The following AARS1 variants were observed in gnomAD, a reference collection of about 807,000 sequenced individuals.
AARS1 encodes the protein alanyl-tRNA synthetase 1, also known as alanine--tRNA ligase, cytoplasmic.
In AARS1, 72 loss-of-function variants were observed where a neutral mutation model predicts 108.9. The ratio of observed to expected loss-of-function variants is 0.66; its 90% CI spans 0.55 to 0.80. The LOEUF is 0.80. Among genes scored for constraint, AARS1 ranks in the 30% least tolerant of loss-of-function variants. The pLI, the probability that AARS1 is intolerant of heterozygous loss-of-function variation, is 0.00. For synonymous variants in AARS1, 489 were observed against 465.7 expected (o/e 1.05, Z -0.64); for missense variants, 1,193 against 1,233.2 (o/e 0.97, Z 0.49).
intron 4 of AARS1, 176 bp downstream of exon 4, chr16:70,276,310 C>T: frequency 1.5e-6 from 1 of 674,104 alleles, no homozygotes; most frequent in Non-Finnish European, 2.6e-6. Context: ...TCTCAGGTCA[C>T]TGCAACCTCC....
chr16:70,285,869 T>A (rs1296240117), intron 1 of AARS1, among the ~76,000 whole-genome samples: 1 of 152,212 alleles, frequency 6.6e-6, no homozygotes, highest in Non-Finnish European at 1.5e-5. Flanking sequence ...CAAAGTTTTC[T>A]CCTTATGAGG....
chr16:70,270,101 C>G, intron 6 of AARS1, 95 bp downstream of exon 6: 1 of 1,496,940 alleles, frequency 6.7e-7, no homozygotes, highest in Non-Finnish European at 9.3e-7. Context: ...CCTTGGCTGG[C>G]AAAGCATATG....
chr16:70,253,019 G>T, intron 20 of AARS1, 113 bp from the exon 21 acceptor site: 1 of 1,227,008 alleles, frequency 8.1e-7, no homozygotes, highest in Non-Finnish European at 1.2e-6. Context: ...GGGTGATACT[G>T]CTGGAGGCCG....
chr16:70,289,151 CT>C (rs1960960513), intron 1 of AARS1, among the ~76,000 whole-genome samples: 1 of 152,166 alleles, frequency 6.6e-6, no homozygotes, highest in South Asian at 2.1e-4. Flanking sequence ...CCACCCGCCC[CT>C]AGGGGATTAA....
chr16:70,262,967 C>CAAAAAA (rs57444625), intron 11 of AARS1, among the ~76,000 whole-genome samples: 1,841 of 20,606 alleles, frequency 0.089, 478 homozygotes, highest in Middle Eastern at 0.17. Context: ...GACTCGGTCT[C>CAAAAAA]AAAAAAAAAA....
intron 14 of AARS1, 62 bp from the exon 15 acceptor site, chr16:70,258,279 G>A (rs558355775): frequency 1.3e-6 from 2 of 1,532,544 alleles, no homozygotes; most frequent in Admixed American, 2.0e-5. Flanking sequence ...GTACGACGAG[G>A]CAGGAAAGCA....
In AARS1 at chr16:70,264,992, C is replaced by G. The variant is rs775974731; in HGVS notation, c.1458G>C (p.Lys486Asn). The G allele has an allele frequency of 1.9e-6, 3 of 1,614,024 alleles. No individual in the cohort carries two copies. Among genetic ancestry groups the G allele is most frequent in the Non-Finnish European group, 2.5e-6 (3 of 1,180,036 alleles). Reference sequence around the variant, plus strand: ...CACTGGAGTCCAAATGGTAATTGTACTTTGGGGAATCATCTGTGACCTCCA... The same window carrying G: ...CACTGGAGTCCAAATGGTAATTGTAGTTTGGGGAATCATCTGTGACCTCCA... ...RGLEVTDDSPKYNYHLDSSGS... is the reference protein window; with the variant it reads ...RGLEVTDDSPNYNYHLDSSGS... The change falls in exon 11 of 21, where the codon AAG (lysine) becomes AAC (asparagine). Residue 486 changes from lysine (K) to asparagine (N), a missense_variant. Coordinates refer to ENST00000261772, the MANE Select transcript of AARS1 (RefSeq NM_001605.3).
chr16:70,267,803 C>G lies in AARS1; in HGVS notation c.1078G>C (p.Ala360Pro), dbSNP rs761669458. The G allele has an allele frequency of 1.6e-5, 26 of 1,614,036 alleles. No homozygotes were observed. Among genetic ancestry groups the G allele is most frequent in the Non-Finnish European group, 2.0e-5 (24 of 1,180,042 alleles). Residue 360 changes from alanine (A) to proline (P), a missense_variant, in exon 9 of 21, where the codon GCA becomes CCA. By Grantham distance (27) the Ala-to-Pro change is conservative. Transcript: ENST00000261772. ...GGGTCCTTCTTCAGCTCAGGAAATG[C>G]ATCTCCCTGACAAAGGGGAAGCAAG... The part of the protein sequence containing the change: ...VDVVVQSLGD[A>P]FPELKKDPDM...
intron 17 of AARS1, 28 bp downstream of exon 17, chr16:70,254,593 A>T (rs765865313): frequency 2.7e-6 from 4 of 1,482,166 alleles, no homozygotes; most frequent in Non-Finnish European, 3.8e-6. Flanking sequence ...CCAGGCCCTG[A>T]GGACGGAGGG....
At chr16:70,275,636 G>A (rs374165039) in intron 4 of AARS1, among the ~76,000 whole-genome samples, 7 of 151,470 alleles carry the variant, frequency 4.6e-5, no homozygotes, top group South Asian at 2.1e-4. Flanking sequence ...GGTGGTGGGC[G>A]CCTGTAGTCC....
chr16:70,282,206 G>T lies in AARS1; in HGVS notation c.144+414C>A, dbSNP rs555982959. ...TTGCCAGGCATGGTGGCGGGCACCT[G>T]TAGTCCCAGCTACTCGGGAGGCTGG... On this transcript the variant is annotated intron_variant, in intron 2 of 20. Transcript: ENST00000261772. Among the ~76,000 whole-genome samples the T allele has an allele frequency of 2.0e-5, 3 of 151,882 alleles. No homozygotes were observed. The South Asian group carries it at 6.2e-4, about 32-fold the overall frequency.
At chr16:70,254,300 C>T (rs1480402571) in intron 17 of AARS1, 1 of 596,912 alleles carries the variant, frequency 1.7e-6, no homozygotes, top group Admixed American at 3.0e-5. Flanking sequence ...AGCTTCCTGG[C>T]AGCTTGAAAT....
Position 70,285,187 on chromosome 16 carries a change from C to G in AARS1, c.-21-2403G>C, listed in dbSNP as rs537826344. Among the ~76,000 whole-genome samples the G allele has an allele frequency of 2.0e-4, 30 of 151,912 alleles. 1 individual carries two copies. The highest frequency in any genetic ancestry group is 8.3e-4 in the South Asian group (4 of 4,816). On this transcript the variant is annotated intron_variant, in intron 1 of 20. Coordinates refer to ENST00000261772, the MANE Select transcript of AARS1 (RefSeq NM_001605.3). ...GTGGTTGCAGTAAGCCGAAATTGCGCCACTGCACTCCAGCCTGGGTGGCTG... is the reference window on the plus strand; with the variant it reads ...GTGGTTGCAGTAAGCCGAAATTGCGGCACTGCACTCCAGCCTGGGTGGCTG...
rs1476539357 is a variant in AARS1 at position 70,258,107 on chromosome 16, G to A, written c.2103C>T (p.Val701=). The change falls in exon 15 of 21, where the codon GTC becomes GTT. Residue 701 remains valine (V), a synonymous_variant. Coordinates refer to ENST00000261772, the MANE Select transcript of AARS1 (RefSeq NM_001605.3). ...GGTCATCCAGCAACTCGGACACCGG[G>A]ACCCCAATGGAGACGACTCGCACAG... ...PDPVRVVSIG[V]PVSELLDDPS... 1.9e-6 allele frequency: 3 copies of A among 1,613,926 alleles called. No individual in the cohort carries two copies. In the Admixed American group the frequency reaches 5.0e-5, roughly 27 times the overall value.
chr16:70,252,719 A>T lies in AARS1; in HGVS notation c.*2T>A. ...TCCAGTGGGAGCCTCCTCCTTCCCC[A>T]CTCAGTTCTTTACATCCCCGAGGCG... On this transcript the variant is annotated 3_prime_UTR_variant, in exon 21 of 21. Coordinates refer to ENST00000261772, the MANE Select transcript of AARS1 (RefSeq NM_001605.3). The T allele has an allele frequency of 6.2e-7, 1 of 1,613,890 alleles. No individual in the cohort carries two copies. The highest frequency in any genetic ancestry group is 8.5e-7 in the Non-Finnish European group (1 of 1,179,974).
rs1224948634 is a variant in AARS1 at position 70,255,729 on chromosome 16, T to C, written c.2285A>G (p.Lys762Arg). ...IVAVTGAEAQKALRKAESLKK... is the reference protein window; with the variant it reads ...IVAVTGAEAQRALRKAESLKK... ...CACAAACCAGCCTGACCTGCTCACC[T>C]TCTGGGCCTCGGCACCTGTGACAGC... Residue 762 changes from lysine (K) to arginine (R), a missense_variant and splice_region_variant, in exon 16 of 21, where the codon AAG becomes AGG. Physicochemically the swap from Lys to Arg is conservative, Grantham distance 26. Transcript: ENST00000261772. 1.5e-5 allele frequency: 24 copies of C among 1,613,962 alleles called. No individual in the cohort carries two copies. The highest frequency in any genetic ancestry group is 2.0e-5 in the Non-Finnish European group (24 of 1,179,956).
At chr16:70,279,678 AAAAAAAAAAG>A (rs1320468427) in intron 2 of AARS1, among the ~76,000 whole-genome samples, 9 of 151,162 alleles carry the variant, frequency 6.0e-5, no homozygotes, top group Non-Finnish European at 1.3e-4. Flanking sequence ...AACAAAAAAA[AAAAAAAAAAG>A]AAAAGTTTAC....
intron 2 of AARS1, among the ~76,000 whole-genome samples, chr16:70,279,334 G>A (rs1306454679): frequency 8.2e-6 from 1 of 122,142 alleles, no homozygotes; most frequent in African/African-American, 3.0e-5. Flanking sequence ...TGGGGTGACA[G>A]GGCAAAACTT....
chr16:70,253,936 C>A lies in AARS1; in HGVS notation c.2503G>T (p.Ala835Ser), dbSNP rs775304067. The change falls in exon 18 of 21, where the codon GCC becomes TCC. Residue 835 changes from alanine (A) to serine (S), a missense_variant. Physicochemically the swap from Ala to Ser is moderately conservative, Grantham distance 99 (BLOSUM62 1). Coordinates refer to ENST00000261772, the MANE Select transcript of AARS1 (RefSeq NM_001605.3). ...VMDDLDRASK[A>S]DVQKRVLEKT... ...GGACTCACTCGTTTCTGGACATCGGCTTTGCTGGCTCGGTCCAAGTCATCC... is the reference window on the plus strand; with the variant it reads ...GGACTCACTCGTTTCTGGACATCGGATTTGCTGGCTCGGTCCAAGTCATCC... 1 of 1,614,238 alleles carries A rather than the reference C, an allele frequency of 6.2e-7. No individual in the cohort carries two copies. The highest frequency in any genetic ancestry group is 2.2e-5 in the East Asian group (1 of 44,886).
Sources: gnomAD v4.1 joint callset for allele counts (sites outside exome capture counted in the v4.1 genomes callset) on GRCh38, gnomAD v4.1.1 for gene constraint, MANE v1.5 for transcripts, NCBI Gene and HGNC (gene_info 2026-07-23, HGNC 2026-07-21) for gene names.